Variants in UBTD2 observed in about 807,000 individuals in gnomAD.
UBTD2 encodes the protein ubiquitin domain-containing protein 2.
UBTD2 carries 9 observed loss-of-function variants against 19.8 expected under a neutral mutation model. The observed-to-expected ratio is 0.46, with a 90% CI of 0.27 to 0.79. UBTD2 has a LOEUF of 0.79. Among genes scored for constraint, UBTD2 ranks in the 30% least tolerant of loss-of-function variants. The pLI is 0.14. For synonymous variants in UBTD2, 98 were observed against 103.9 expected, an observed-to-expected ratio of 0.94 and a Z score of 0.35; for missense variants, 250 against 300.4, an observed-to-expected ratio of 0.83 and a Z score of 1.24.
intron 2 of UBTD2, among the ~76,000 whole-genome samples, chr5:172,230,586 A>G (rs531360271): frequency 6.6e-6 from 1 of 152,344 alleles, no homozygotes; most frequent in Non-Finnish European, 1.5e-5. Flanking sequence ...TGAAGCTTAC[A>G]GAAGATGTGA....
chr5:172,221,675 A>C (rs568110859), intron 2 of UBTD2, among the ~76,000 whole-genome samples: 1 of 152,322 alleles, frequency 6.6e-6, no homozygotes, highest in East Asian at 1.9e-4. Context: ...AAAAAAGGTC[A>C]ATGGTTGCCA....
At chr5:172,245,897 G>A (rs6882674) in intron 1 of UBTD2, among the ~76,000 whole-genome samples, 94,459 of 152,080 alleles carry the variant, frequency 0.62, 31,267 homozygotes, top group African/African-American at 0.85. Context: ...ATTGCCTGCT[G>A]AAACAAAACA....
chr5:172,237,598 T>C (rs930674946), intron 1 of UBTD2, among the ~76,000 whole-genome samples: 2 of 152,238 alleles, frequency 1.3e-5, no homozygotes, highest in Non-Finnish European at 2.9e-5. Flanking sequence ...GAATTTTCAC[T>C]ACAAAATCTG....
chr5:172,260,139 T>C (rs889464130), intron 1 of UBTD2, among the ~76,000 whole-genome samples: 3 of 148,972 alleles, frequency 2.0e-5, no homozygotes, highest in African/African-American at 7.4e-5. Context: ...TTCCTATTCA[T>C]TAAAATTTGA....
rs961721412 is a variant in UBTD2 at position 172,229,317 on chromosome 5, G to A, written c.307+4805C>T. Among the ~76,000 whole-genome samples the A allele has an allele frequency of 8.6e-5, 13 of 151,918 alleles. No individual in the cohort carries two copies. In the South Asian group the frequency reaches 1.0e-3, roughly 12 times the overall value. On this transcript the variant is annotated intron_variant, in intron 2 of 2. Transcript: ENST00000393792. ...AGATCGAGACCATCCTGGCTAACACGGTGAAACCCTGTCTCTACTAAAAAA... is the reference window on the plus strand; with the variant it reads ...AGATCGAGACCATCCTGGCTAACACAGTGAAACCCTGTCTCTACTAAAAAA...
At chr5:172,261,244 A>G (rs987727914) in intron 1 of UBTD2, among the ~76,000 whole-genome samples, 3 of 152,212 alleles carry the variant, frequency 2.0e-5, no homozygotes, top group African/African-American at 7.2e-5. Flanking sequence ...CAGAGAGAAC[A>G]CTTTCATGTA....
At chr5:172,273,078 C>A in intron 1 of UBTD2, among the ~76,000 whole-genome samples, 1 of 137,618 alleles carries the variant, frequency 7.3e-6, no homozygotes, top group Non-Finnish European at 1.5e-5. Flanking sequence ...CTCCGTCTCT[C>A]CGTCTCAAAA....
chr5:172,212,829 TA>T (rs35919737), intron 2 of UBTD2, among the ~76,000 whole-genome samples: 14,365 of 151,994 alleles, frequency 0.095, 760 homozygotes, highest in South Asian at 0.16. Flanking sequence ...CATACCCGGC[TA>T]ATTTTTTGTA....
chr5:172,267,039 TAAAA>T (rs34544452), intron 1 of UBTD2, among the ~76,000 whole-genome samples: 248 of 119,336 alleles, frequency 2.1e-3, no homozygotes, highest in African/African-American at 7.0e-3. Context: ...AGCCTCTCTT[TAAAA>T]AAAAAAAAAA....
chr5:172,277,043 T>A (rs34247509), intron 1 of UBTD2, among the ~76,000 whole-genome samples: 16,058 of 114,162 alleles, frequency 0.14, 1,094 homozygotes, highest in East Asian at 0.33. Flanking sequence ...TACTCCACCC[T>A]GGGTGACAAA....
intron 2 of UBTD2, among the ~76,000 whole-genome samples, chr5:172,222,509 A>G (rs1481710514): frequency 6.6e-6 from 1 of 152,218 alleles, no homozygotes; most frequent in Non-Finnish European, 1.5e-5. Flanking sequence ...CAGCATACCC[A>G]TCACAGATTT....
chr5:172,268,273 C>T (rs149698455), intron 1 of UBTD2, among the ~76,000 whole-genome samples: 3 of 151,620 alleles, frequency 2.0e-5, no homozygotes, highest in Non-Finnish European at 4.4e-5. Flanking sequence ...ATGAGAAAAA[C>T]GCTCAGAGTT....
chr5:172,267,433 G>A (rs547340355), intron 1 of UBTD2, among the ~76,000 whole-genome samples: 17 of 152,254 alleles, frequency 1.1e-4, no homozygotes, highest in African/African-American at 3.9e-4. Flanking sequence ...ATCCAGTCCC[G>A]TAAAACTGTA....
At chr5:172,228,863 G>GT (rs1561852532) in intron 2 of UBTD2, among the ~76,000 whole-genome samples, 1 of 151,638 alleles carries the variant, frequency 6.6e-6, no homozygotes, top group South Asian at 2.1e-4. Flanking sequence ...AAGTGCCTTT[G>GT]TTTTTTTAAA....
At chr5:172,239,278 A>T (rs1256035300) in intron 1 of UBTD2, among the ~76,000 whole-genome samples, 1 of 152,186 alleles carries the variant, frequency 6.6e-6, no homozygotes, top group Non-Finnish European at 1.5e-5. Flanking sequence ...ACTAGAACAC[A>T]CATGCCCAAA....
At chr5:172,222,467 G>A (rs1771671363) in intron 2 of UBTD2, among the ~76,000 whole-genome samples, 1 of 152,206 alleles carries the variant, frequency 6.6e-6, no homozygotes, top group Admixed American at 6.5e-5. Context: ...GACTGTCCCT[G>A]ATCTCCAGGA....
At chr5:172,239,161 C>T (rs914728701) in intron 1 of UBTD2, among the ~76,000 whole-genome samples, 2 of 152,154 alleles carry the variant, frequency 1.3e-5, no homozygotes, top group Non-Finnish European at 1.5e-5. Flanking sequence ...ATCTTCTCTA[C>T]TGTTTGAGAA....
At chr5:172,233,359 C>G (rs73802415) in intron 2 of UBTD2, among the ~76,000 whole-genome samples, 8,935 of 152,168 alleles carry the variant, frequency 0.059, 842 homozygotes, top group African/African-American at 0.2. Flanking sequence ...AAAGAGAATA[C>G]TGAGAATATT....
chr5:172,247,996 G>C (rs536235677), intron 1 of UBTD2, among the ~76,000 whole-genome samples: 1 of 152,142 alleles, frequency 6.6e-6, no homozygotes, highest in South Asian at 2.1e-4. Flanking sequence ...TGATTACATG[G>C]AATAAAGCCA....
Sources: allele counts gnomAD v4.1 joint callset (sites outside exome capture counted in the v4.1 genomes callset), GRCh38; gene constraint gnomAD v4.1.1; transcripts MANE v1.5; gene names NCBI Gene and HGNC (gene_info 2026-07-23, HGNC 2026-07-21).